The following PTF1A variants were observed in gnomAD, a reference collection of about 807,000 sequenced individuals.
The protein encoded by PTF1A is pancreas associated transcription factor 1a, also known as pancreas transcription factor 1 subunit alpha.
A neutral mutation model predicts 22.6 loss-of-function variants in PTF1A; 18 were observed. That is an observed-to-expected ratio of 0.80 (90% CI 0.55 to 1.18). The LOEUF is 1.18. Ranked by LOEUF, PTF1A falls within the 50% of genes most tolerant of loss-of-function variation. The probability of loss-of-function intolerance (pLI) is 0.00; values close to 1 mark genes in which losing one functional copy is unlikely to be tolerated. For missense variants in PTF1A, 477 were observed against 473.0 expected (o/e 1.01, Z -0.08); for synonymous variants, 259 against 227.9 (o/e 1.14, Z -1.23).
chr10:23,193,359 T>TC (rs1432524962), intron 1 of PTF1A, 45 bp downstream of exon 1: 2 of 1,416,948 alleles, frequency 1.4e-6, no homozygotes. Context: ...GGTCGGGCAC[T>TC]CGAAGGCTCC....
In PTF1A at chr10:23,193,185, G is replaced by A. The variant is rs1178390027; in HGVS notation, c.655G>A (p.Val219Met). 3 of 1,387,762 alleles carry A rather than the reference G, an allele frequency of 2.2e-6. No individual in the cohort carries two copies. Among genetic ancestry groups the A allele is most frequent in the Non-Finnish European group, 2.8e-6 (3 of 1,061,644 alleles). The allele number at this position is 1,387,762 out of a possible 1,614,324, so 86.0% of individuals were successfully genotyped here. Residue 219 changes from valine (V) to methionine (M), a missense_variant, in exon 1 of 2, where the codon GTG becomes ATG. Transcript: ENST00000376504. Reference sequence around the variant, plus strand: ...CTACATCAACTTCCTCAGCGAGCTCGTGCAGGCCGACCTGCCCTTGCGCGG... The same window carrying A: ...CTACATCAACTTCCTCAGCGAGCTCATGCAGGCCGACCTGCCCTTGCGCGG... ...IGYINFLSEL[V>M]QADLPLRGGG...
chr10:23,193,411 C>A, intron 1 of PTF1A, 97 bp downstream of exon 1: 1 of 1,219,440 alleles, frequency 8.2e-7, no homozygotes, highest in East Asian at 2.6e-5. Context: ...ACAGTCGGAC[C>A]GACGGATTGT....
chr10:23,192,545 G>T lies in PTF1A; in HGVS notation c.15G>T (p.Leu5Phe), dbSNP rs1840901241. The change falls in exon 1 of 2, where the codon TTG becomes TTT. Residue 5 changes from leucine to phenylalanine, a missense_variant. Coordinates refer to ENST00000376504, the MANE Select transcript of PTF1A (RefSeq NM_178161.3). Reference protein sequence around the residue: MDAVLLEHFPGGLDA... With the variant: MDAVFLEHFPGGLDA... ...CGGCGGCGAGCATGGACGCGGTGTT[G>T]CTGGAGCACTTCCCCGGGGGCCTAG... 1 of 1,592,052 alleles carries T rather than the reference G, an allele frequency of 6.3e-7. No individual in the cohort carries two copies.
chr10:23,192,596 C>G lies in PTF1A; in HGVS notation c.66C>G (p.Asp22Glu), dbSNP rs765408777. 2 of 1,603,960 alleles carry G rather than the reference C, an allele frequency of 1.2e-6. No homozygotes were observed. Among genetic ancestry groups the G allele is most frequent in the Non-Finnish European group, 1.7e-6 (2 of 1,175,442 alleles). Residue 22 changes from aspartate (D) to glutamate (E), a missense_variant, in exon 1 of 2, where the codon GAC becomes GAG. Coordinates refer to ENST00000376504, the MANE Select transcript of PTF1A (RefSeq NM_178161.3). ...GLDAFPSSYFDEDDFFTDQSS... is the reference protein window; with the variant it reads ...GLDAFPSSYFEEDDFFTDQSS... ...ACGCCTTTCCTTCTTCGTACTTCGA[C>G]GAGGACGACTTCTTCACCGACCAGT...
Position 23,192,378 on chromosome 10 carries a change from C to G in PTF1A, c.-153C>G. On this transcript the variant is annotated 5_prime_UTR_variant, in exon 1 of 2. Coordinates refer to ENST00000376504, the MANE Select transcript of PTF1A (RefSeq NM_178161.3). ...CGGGCCAGAGCGCAGCGGCCGCGGG[C>G]ACTCCAGGGAGGCCCGGGGGCGGGC... 3.2e-6 allele frequency: 3 copies of G among 941,456 alleles called. No homozygotes were observed. Among genetic ancestry groups the G allele is most frequent in the Non-Finnish European group, 2.9e-6 (2 of 681,766 alleles). The allele number at this position is 941,456 out of a possible 1,614,324, so 58.3% of individuals were successfully genotyped here.
chr10:23,192,899 C>T lies in PTF1A; in HGVS notation c.369C>T (p.Ala123=). ...YSPGSPPSCL[A]YPCAGAAVLS... is the part of the protein sequence containing the mutation. ...CCGGCTCGCCGCCCTCGTGCCTGGC[C>T]TACCCGTGCGCCGGGGCGGCAGTAC... The change falls in exon 1 of 2, where the codon GCC becomes GCT. Residue 123 remains alanine, a synonymous_variant. Coordinates refer to ENST00000376504, the MANE Select transcript of PTF1A (RefSeq NM_178161.3). The T allele has an allele frequency of 2.3e-6, 3 of 1,287,194 alleles. No individual in the cohort carries two copies. Among genetic ancestry groups the T allele is most frequent in the Non-Finnish European group, 3.0e-6 (3 of 1,013,052 alleles). 79.7% of individuals were successfully genotyped at this position (1,287,194 alleles called of 1,614,324 possible). A position where few individuals can be genotyped will look rare whatever the true frequency, so the allele number is the denominator to read the frequency against.
chr10:23,193,170 T>C lies in PTF1A; in HGVS notation c.640T>C (p.Phe214Leu). The change falls in exon 1 of 2, where the codon TTC becomes CTC. Residue 214 changes from phenylalanine to leucine, a missense_variant. Transcript: ENST00000376504. ...TLRLAIGYINFLSELVQADLP... is the reference protein window; with the variant it reads ...TLRLAIGYINLLSELVQADLP... ...GCGCCTGGCCATCGGCTACATCAAC[T>C]TCCTCAGCGAGCTCGTGCAGGCCGA... 1 of 1,405,360 alleles carries C rather than the reference T, an allele frequency of 7.1e-7. No homozygotes were observed. Among genetic ancestry groups the C allele is most frequent in the East Asian group, 3.3e-5 (1 of 29,904 alleles). The allele number at this position is 1,405,360 out of a possible 1,614,324, so 87.1% of individuals were successfully genotyped here. A position where few individuals can be genotyped will look rare whatever the true frequency, so the allele number is the denominator to read the frequency against.
chr10:23,193,512 G>C (rs1195910349), intron 1 of PTF1A, 192 bp from the exon 2 acceptor site: 16 of 725,324 alleles, frequency 2.2e-5, no homozygotes, highest in Middle Eastern at 8.3e-4. Context: ...CGGCTCTCAA[G>C]GGCGCGCGTC....
Position 23,192,822 on chromosome 10 carries a change from G to C in PTF1A, c.292G>C (p.Gly98Arg), listed in dbSNP as rs1840909762. The C allele has an allele frequency of 7.7e-7, 1 of 1,299,858 alleles. No individual in the cohort carries two copies. Among genetic ancestry groups the C allele is most frequent in the Non-Finnish European group, 9.7e-7 (1 of 1,030,202 alleles). 80.5% of individuals were successfully genotyped at this position (1,299,858 alleles called of 1,614,324 possible). A position where few individuals can be genotyped will look rare whatever the true frequency, so the allele number is the denominator to read the frequency against. Reference protein sequence around the residue: ...GLGEPDDGGGGGYCCETGAPP... With the variant: ...GLGEPDDGGGRGYCCETGAPP... ...CGGTGAGCCAGACGACGGCGGCGGC[G>C]GCGGCTACTGCTGCGAGACGGGGGC... Residue 98 changes from glycine to arginine, a missense_variant, in exon 1 of 2, where the codon GGC (glycine) becomes CGC (arginine). Transcript: ENST00000376504.
At position 23,192,806 on chromosome 10, in the gene PTF1A, A is replaced by AGAC. The variant is rs1400175190; in HGVS notation, c.281_283dup (p.Asp94dup). ...CGTCCTCGGGGGGCCTCGGTGAGCC[A>AGAC]GACGACGGCGGCGGCGGCGGCTACT... On this transcript the variant is annotated inframe_insertion, in exon 1 of 2. Transcript: ENST00000376504. The AGAC allele has an allele frequency of 5.4e-6, 7 of 1,307,192 alleles. No homozygotes were observed. The highest frequency in any genetic ancestry group is 5.8e-6 in the Non-Finnish European group (6 of 1,034,496). The allele number at this position is 1,307,192 out of a possible 1,614,324, so 81.0% of individuals were successfully genotyped here.
In PTF1A at chr10:23,192,704, C is replaced by T. The variant is rs1198922554; in HGVS notation, c.174C>T (p.His58=). The T allele has an allele frequency of 6.3e-7, 1 of 1,578,034 alleles. No individual in the cohort carries two copies. Residue 58 remains histidine, a synonymous_variant, in exon 1 of 2, where the codon CAC becomes CAT. Coordinates refer to ENST00000376504, the MANE Select transcript of PTF1A (RefSeq NM_178161.3). ...AEVEFLSHQL[H]EYCYRDGACL... Reference sequence around the variant, plus strand: ...TGGAGTTCCTTAGCCACCAGCTCCACGAGTACTGCTACCGCGACGGGGCGT... The same window carrying T: ...TGGAGTTCCTTAGCCACCAGCTCCATGAGTACTGCTACCGCGACGGGGCGT...
Position 23,193,304 on chromosome 10 carries a change from T to A in PTF1A, c.774T>A (p.His258Gln). ...AGGCCCAGAAGGTCATCATCTGCCA[T>A]CGGGGCACCCGTAAGTGCTTCCGCT... The part of the protein sequence containing the change: ...GSQAQKVIIC[H>Q]RGTRSPSPSD... Residue 258 changes from histidine (H) to glutamine (Q), a missense_variant, in exon 1 of 2, where the codon CAT becomes CAA. His to Gln is a conservative substitution (Grantham distance 24). Coordinates refer to ENST00000376504, the MANE Select transcript of PTF1A (RefSeq NM_178161.3). The A allele has an allele frequency of 1.5e-6, 2 of 1,300,280 alleles. No individual in the cohort carries two copies. The highest frequency in any genetic ancestry group is 1.9e-6 in the Non-Finnish European group (2 of 1,034,952). 80.5% of individuals were successfully genotyped at this position (1,300,280 alleles called of 1,614,324 possible).
Position 23,193,244 on chromosome 10 carries a change from C to T in PTF1A, c.714C>T (p.Gly238=). 8.0e-7 allele frequency: 1 copy of T among 1,245,770 alleles called. No homozygotes were observed. The highest frequency in any genetic ancestry group is 3.7e-5 in the South Asian group (1 of 27,388). The allele number at this position is 1,245,770 out of a possible 1,614,324, so 77.2% of individuals were successfully genotyped here. A position where few individuals can be genotyped will look rare whatever the true frequency, so the allele number is the denominator to read the frequency against. ...GGAGGCGGPG[G]GGRLGGDSPG... ...CGGGCGGCTGCGGGGGGCCGGGCGG[C>T]GGCGGGCGCCTGGGCGGGGACAGCC... The change falls in exon 1 of 2, where the codon GGC becomes GGT. Residue 238 remains glycine (G), a synonymous_variant. Coordinates refer to ENST00000376504, the MANE Select transcript of PTF1A (RefSeq NM_178161.3).
chr10:23,192,792 G>C lies in PTF1A; in HGVS notation c.262G>C (p.Gly88Arg), dbSNP rs777646329. ...PLALAPPSSG[G>R]LGEPDDGGGG... ...AGCGCTCGCCCCGCCGTCCTCGGGG[G>C]GCCTCGGTGAGCCAGACGACGGCGG... Residue 88 changes from glycine to arginine, a missense_variant, in exon 1 of 2, where the codon GGC (glycine) becomes CGC (arginine). By Grantham distance (125) the Gly-to-Arg change is moderately radical. Coordinates refer to ENST00000376504, the MANE Select transcript of PTF1A (RefSeq NM_178161.3). 10 of 1,326,204 alleles carry C rather than the reference G, an allele frequency of 7.5e-6. No homozygotes were observed. In the South Asian group the frequency reaches 2.2e-4, roughly 29 times the overall value. 82.2% of individuals were successfully genotyped at this position (1,326,204 alleles called of 1,614,324 possible).
intron 1 of PTF1A, 188 bp from the exon 2 acceptor site, chr10:23,193,516 G>T (rs1267602539): frequency 1.4e-6 from 1 of 706,606 alleles, no homozygotes; most frequent in African/African-American, 1.8e-5. Context: ...TCTCAAGGGC[G>T]CGCGTCCCCG....
chr10:23,193,918 C>T lies in PTF1A; in HGVS notation c.*12C>T. 1 of 1,591,158 alleles carries T rather than the reference C, an allele frequency of 6.3e-7. No homozygotes were observed. Among genetic ancestry groups the T allele is most frequent in the Non-Finnish European group, 8.6e-7 (1 of 1,159,356 alleles). The stretch of plus-strand genomic sequence containing the variant: ...AGTTTGTGTCCTGAGAAGTCCCAGA[C>T]TCGGCTGAAGATCTGATTATGTCTC... On this transcript the variant is annotated 3_prime_UTR_variant, in exon 2 of 2. Coordinates refer to ENST00000376504, the MANE Select transcript of PTF1A (RefSeq NM_178161.3).
In PTF1A at chr10:23,193,802, A is replaced by G; in HGVS notation, c.883A>G (p.Ile295Val). The stretch of plus-strand genomic sequence containing the variant: ...AAAACAACTCAAGGAACAAAATATT[A>G]TCCGAACAGCCAAAGTCTGGACCCC... ...DEKQLKEQNI[I>V]RTAKVWTPED... The change falls in exon 2 of 2, where the codon ATC becomes GTC. Residue 295 changes from isoleucine (I) to valine (V), a missense_variant. Transcript: ENST00000376504. The G allele has an allele frequency of 6.2e-7, 1 of 1,613,818 alleles. No homozygotes were observed. The highest frequency in any genetic ancestry group is 8.5e-7 in the Non-Finnish European group (1 of 1,179,790).
rs770292027 is a variant in PTF1A, at chr10:23,193,735, C to T, written c.816C>T (p.Gly272=). ...RSPSPSDPDY[G]LPPLAGHSLS... ...CCTCCCCCAGCGACCCTGATTATGG[C>T]CTCCCTCCCCTAGCAGGACACTCTC... is the stretch of plus-strand genomic sequence containing the variant. The change falls in exon 2 of 2, where the codon GGC becomes GGT. Residue 272 remains glycine (G), a synonymous_variant. Transcript: ENST00000376504. 6.2e-7 allele frequency: 1 copy of T among 1,612,884 alleles called. No individual in the cohort carries two copies. Among genetic ancestry groups the T allele is most frequent in the South Asian group, 1.1e-5 (1 of 91,054 alleles).
Position 23,192,490 on chromosome 10 carries a change from C to G in PTF1A, c.-41C>G. On this transcript the variant is annotated 5_prime_UTR_variant, in exon 1 of 2. Coordinates refer to ENST00000376504, the MANE Select transcript of PTF1A (RefSeq NM_178161.3). ...CTTAGAAACTCACCAAGAACTAACA[C>G]GCGCAGCCCGGCAGTCCCGCTGCCC... 1.3e-6 allele frequency: 2 copies of G among 1,592,618 alleles called. No individual in the cohort carries two copies. Among genetic ancestry groups the G allele is most frequent in the Non-Finnish European group, 1.7e-6 (2 of 1,174,274 alleles).
Sources: allele counts gnomAD v4.1 joint callset, GRCh38; gene constraint gnomAD v4.1.1; transcripts MANE v1.5; gene names NCBI Gene and HGNC (gene_info 2026-07-23, HGNC 2026-07-21).